The following CADPS variants were observed in gnomAD, a reference collection of about 807,000 sequenced individuals.
The protein encoded by CADPS is calcium dependent secretion activator, also known as calcium-dependent secretion activator 1.
A neutral mutation model predicts 167.3 loss-of-function variants in CADPS; 57 were observed. The observed-to-expected ratio is 0.34, with a 90% CI of 0.28 to 0.42. CADPS has a LOEUF of 0.42. Among genes scored for constraint, CADPS ranks in the 20% least tolerant of loss-of-function variants. The pLI is 1.00. For synonymous variants in CADPS, 676 were observed against 635.3 expected (o/e 1.06, Z -0.96); for missense variants, 1,414 against 1,738.1 (o/e 0.81, Z 3.32).
At chr3:62,485,593 T>A (rs2062697971) in intron 21 of CADPS, among the ~76,000 whole-genome samples, 1 of 152,176 alleles carries the variant, frequency 6.6e-6, no homozygotes, top group Admixed American at 6.5e-5. Flanking sequence ...TGTGTGTATG[T>A]TGCTCAGACC....
Position 62,731,805 on chromosome 3 carries a change from C to CAAAA in CADPS, c.888+21632_888+21635dup, listed in dbSNP as rs1212456893. Among the ~76,000 whole-genome samples, 39 of 27,126 alleles carry CAAAA rather than the reference C, an allele frequency of 1.4e-3. 1 individual carries two copies. The highest frequency in any genetic ancestry group is 2.3e-3 in the East Asian group (2 of 868). The allele number at this position is 27,126 out of a possible 152,430, so 17.8% of individuals were successfully genotyped here. On this transcript the variant is annotated intron_variant, in intron 3 of 29. Transcript: ENST00000383710. ...CCTGGTGAAAGAAACTGATCATATG[C>CAAAA]AAAAAAAAAAAAAAAAAAAAAAAAA...
chr3:62,611,175 C>A (rs1254349425), intron 6 of CADPS, among the ~76,000 whole-genome samples: 1 of 152,262 alleles, frequency 6.6e-6, no homozygotes, highest in Non-Finnish European at 1.5e-5. Context: ...CCATCCCAAA[C>A]CTACACTGGC....
chr3:62,640,890 T>C (rs1291535664), intron 6 of CADPS, among the ~76,000 whole-genome samples: 1 of 152,158 alleles, frequency 6.6e-6, no homozygotes, highest in African/African-American at 2.4e-5. Context: ...ATAAATATAA[T>C]TTTGGAATAT....
intron 25 of CADPS, among the ~76,000 whole-genome samples, chr3:62,466,029 T>G (rs2059896079): frequency 6.6e-6 from 1 of 152,226 alleles, no homozygotes; most frequent in South Asian, 2.1e-4. Flanking sequence ...TATTACCGTT[T>G]AACTTTCTGT....
At chr3:62,585,136 A>G (rs1444308402) in intron 8 of CADPS, 49 bp downstream of exon 8, 14 of 1,567,648 alleles carry the variant, frequency 8.9e-6, no homozygotes, top group African/African-American at 1.4e-5. Flanking sequence ...CATTTTGAGA[A>G]ATGAACAGAC....
At chr3:62,698,003 T>A (rs772556460) in intron 3 of CADPS, among the ~76,000 whole-genome samples, 32 of 152,078 alleles carry the variant, frequency 2.1e-4, no homozygotes, top group Admixed American at 7.9e-4. Flanking sequence ...TAGTCCTTTG[T>A]CAGATGTATA....
At chr3:62,608,069 T>C (rs1328697282) in intron 6 of CADPS, among the ~76,000 whole-genome samples, 1 of 152,148 alleles carries the variant, frequency 6.6e-6, no homozygotes, top group African/African-American at 2.4e-5. Context: ...AACTGGACCC[T>C]GGTATATTGA....
intron 13 of CADPS, chr3:62,530,586 A>T: frequency 1.0e-6 from 1 of 984,592 alleles, no homozygotes; most frequent in Non-Finnish European, 1.3e-6. Flanking sequence ...AAGTGATGGC[A>T]TGGATGGAGG....
Position 62,753,539 on chromosome 3 carries a change from A to G in CADPS, c.790T>C (p.Ser264Pro), listed in dbSNP as rs1428715095. ...QQARMTASAA[S>P]ELILSKEQLY... ...TGCTCCTTGCTCAGAATCAGCTCGG[A>G]GGCTGCGCTGGCTGTCATCCGGGCC... The change falls in exon 3 of 30, where the codon TCC becomes CCC. Residue 264 changes from serine (S) to proline (P), a missense_variant. By Grantham distance (74) the Ser-to-Pro change is moderately conservative. Around this residue, in one of 6 missense-constraint regions of CADPS, gnomAD observed 522 missense variants for 559.5 expected, o/e 0.93. Coordinates refer to ENST00000383710, the MANE Select transcript of CADPS (RefSeq NM_003716.4). This position sits in a 1 kb window ranked among gnomAD's most constrained non-coding sequence, Gnocchi z 4.6. 1 of 1,614,088 alleles carries G rather than the reference A, an allele frequency of 6.2e-7. No homozygotes were observed. Among genetic ancestry groups the G allele is most frequent in the African/African-American group, 1.3e-5 (1 of 75,006 alleles).
Position 62,499,264 on chromosome 3 carries a change from A to C in CADPS, c.2604T>G (p.Asn868Lys), listed in dbSNP as rs1014154638. 6.2e-7 allele frequency: 1 copy of C among 1,607,380 alleles called. No homozygotes were observed. The highest frequency in any genetic ancestry group is 8.5e-7 in the Non-Finnish European group (1 of 1,173,992). The change falls in exon 18 of 30, where the codon AAT (asparagine) becomes AAG (lysine). Residue 868 changes from asparagine (N) to lysine (K), a missense_variant. By Grantham distance (94) the Asn-to-Lys change is moderately conservative. Around this residue, in one of 6 missense-constraint regions of CADPS, gnomAD observed 529 missense variants for 629.6 expected, o/e 0.84. Coordinates refer to ENST00000383710, the MANE Select transcript of CADPS (RefSeq NM_003716.4). ...KIEENQKDAE[N>K]VGRLITPAKK... ...TGGCAGGAGTGATTAACCGGCCTAC[A>C]TTTTCTGTAGTACAAGAGTTTGTGT...
At chr3:62,856,617 T>C (rs1240068421) in intron 1 of CADPS, among the ~76,000 whole-genome samples, 4 of 151,982 alleles carry the variant, frequency 2.6e-5, no homozygotes, top group Non-Finnish European at 5.9e-5. Context: ...TGAATCACCA[T>C]AGTTATGGTA....
chr3:62,842,591 A>G (rs891749782), intron 1 of CADPS, among the ~76,000 whole-genome samples: 3 of 152,240 alleles, frequency 2.0e-5, no homozygotes, highest in Non-Finnish European at 2.9e-5. Flanking sequence ...GCCTTGCACT[A>G]TAATAGGCAC....
At chr3:62,844,604 A>C (rs2077115298) in intron 1 of CADPS, among the ~76,000 whole-genome samples, 1 of 152,168 alleles carries the variant, frequency 6.6e-6, no homozygotes, top group Non-Finnish European at 1.5e-5. Context: ...TTGAATGCAA[A>C]TTTAAGCGTA....
chr3:62,506,208 T>G (rs1576965784), intron 17 of CADPS, among the ~76,000 whole-genome samples: 1 of 152,020 alleles, frequency 6.6e-6, no homozygotes, highest in Admixed American at 6.6e-5. Context: ...GCCAACATGG[T>G]GAAACCTCGT....
intron 1 of CADPS, among the ~76,000 whole-genome samples, chr3:62,811,217 C>A (rs1576725775): frequency 6.6e-6 from 1 of 152,008 alleles, no homozygotes; most frequent in African/African-American, 2.4e-5. Context: ...AAGAGAGTAG[C>A]CTAACATTTT....
chr3:62,462,760 C>T (rs1370639117), intron 26 of CADPS, among the ~76,000 whole-genome samples: 2 of 152,200 alleles, frequency 1.3e-5, no homozygotes, highest in Admixed American at 1.3e-4. Flanking sequence ...GCTGCCTCTG[C>T]TCATCCTTTT....
At chr3:62,491,536 AACACAC>A (rs34655412) in intron 20 of CADPS, 56 bp from the exon 21 acceptor site, 21 of 1,005,168 alleles carry the variant, frequency 2.1e-5, no homozygotes, top group African/African-American at 3.7e-5. Flanking sequence ...ATCAACGTAC[AACACAC>A]ACACACACAC....
chr3:62,638,819 T>C (rs958265698), intron 6 of CADPS, among the ~76,000 whole-genome samples: 2 of 152,162 alleles, frequency 1.3e-5, no homozygotes, highest in Non-Finnish European at 2.9e-5. Flanking sequence ...GTTAGTTGGA[T>C]GAAATAATTA....
At chr3:62,442,298 G>T (rs1204709987) in intron 27 of CADPS, among the ~76,000 whole-genome samples, 1 of 150,272 alleles carries the variant, frequency 6.7e-6, no homozygotes, top group Non-Finnish European at 1.5e-5. Context: ...TGCAATCTCT[G>T]CCTCCCAGGT....
Sources: gnomAD v4.1 joint callset for allele counts (sites outside exome capture counted in the v4.1 genomes callset) on GRCh38, gnomAD v4.1.1 for gene constraint, gnomAD v4.1.1 regional missense constraint, Gnocchi (gnomAD v3.1) non-coding constraint, MANE v1.5 for transcripts, NCBI Gene and HGNC (gene_info 2026-07-23, HGNC 2026-07-21) for gene names.